The following PBX1 variants were observed in gnomAD, a reference collection of about 807,000 sequenced individuals.
PBX1 encodes the protein pre-B-cell leukemia transcription factor 1.
Under a neutral mutation model 53.4 loss-of-function variants are expected in PBX1, and 6 were observed. That is an observed-to-expected ratio of 0.11 (90% CI 0.06 to 0.22). PBX1 has a LOEUF of 0.22. Among genes scored for constraint, PBX1 ranks in the 10% least tolerant of loss-of-function variants. The probability of loss-of-function intolerance (pLI) is 1.00; values close to 1 mark genes in which losing one functional copy is unlikely to be tolerated. For synonymous variants in PBX1, 204 were observed against 212.3 expected (o/e 0.96, Z 0.34); for missense variants, 251 against 551.4 (o/e 0.46, Z 5.46).
chr1:164,864,349 C>T (rs896845121), intron 2 of PBX1, among the ~76,000 whole-genome samples: 4 of 152,184 alleles, frequency 2.6e-5, no homozygotes, highest in African/African-American at 9.7e-5. Flanking sequence ...CATACAGTAA[C>T]AGGCTACTAA....
In PBX1 at chr1:164,677,415, C is replaced by T. The variant is rs570690495; in HGVS notation, c.265+114104C>T. Among the ~76,000 whole-genome samples the T allele has an allele frequency of 1.1e-4, 16 of 152,106 alleles. No individual in the cohort carries two copies. In the South Asian group the frequency reaches 2.1e-3, roughly 20 times the overall value. On this transcript the variant is annotated intron_variant, in intron 2 of 8. Coordinates refer to ENST00000420696, the MANE Select transcript of PBX1 (RefSeq NM_002585.4). Reference sequence around the variant, plus strand: ...CCTTACTGCTTGACATTTTACAAAACGCCATCATTTGCACCATTTACAATT... The same window carrying T: ...CCTTACTGCTTGACATTTTACAAAATGCCATCATTTGCACCATTTACAATT...
At chr1:164,684,251 A>G (rs749421625) in intron 2 of PBX1, 1 of 152,232 alleles carries the variant, frequency 6.6e-6, no homozygotes, top group African/African-American at 2.4e-5. Flanking sequence ...TTGTAGGTAT[A>G]TCTGTAGATA....
chr1:164,743,071 C>T (rs1286301613), intron 2 of PBX1, among the ~76,000 whole-genome samples: 3 of 152,168 alleles, frequency 2.0e-5, no homozygotes, highest in Admixed American at 6.5e-5. Flanking sequence ...GGGCCAGAAA[C>T]AGTGATGGGG....
chr1:164,687,596 G>A (rs1662191346), intron 2 of PBX1, among the ~76,000 whole-genome samples: 1 of 146,948 alleles, frequency 6.8e-6, no homozygotes, highest in Non-Finnish European at 1.5e-5. Context: ...AAATAGTTTA[G>A]TGTCTAGCTT....
chr1:164,716,160 TG>T (rs1235965924), intron 2 of PBX1, among the ~76,000 whole-genome samples: 1 of 152,234 alleles, frequency 6.6e-6, no homozygotes, highest in Non-Finnish European at 1.5e-5. Flanking sequence ...ACAATGTGTG[TG>T]GTGACTGCCA....
At chr1:164,843,709 A>G (rs893892934) in intron 8 of PBX1, among the ~76,000 whole-genome samples, 3 of 152,160 alleles carry the variant, frequency 2.0e-5, no homozygotes, top group African/African-American at 7.2e-5. Flanking sequence ...TGGGTTCTCT[A>G]TACCCCCTAA....
intron 2 of PBX1, among the ~76,000 whole-genome samples, chr1:164,740,969 G>A (rs1665571993): frequency 6.6e-6 from 1 of 152,176 alleles, no homozygotes; most frequent in African/African-American, 2.4e-5. Context: ...GAGTAAAAAT[G>A]TAAATATGAA....
At chr1:164,679,750 T>C (rs1339474011) in intron 2 of PBX1, among the ~76,000 whole-genome samples, 2 of 152,246 alleles carry the variant, frequency 1.3e-5, no homozygotes, top group South Asian at 4.1e-4. Context: ...TTTATGCACC[T>C]GTGAGTAGCA....
chr1:164,675,415 A>T (rs755653542), intron 2 of PBX1, among the ~76,000 whole-genome samples: 47 of 152,148 alleles, frequency 3.1e-4, no homozygotes, highest in Non-Finnish European at 2.1e-4. Context: ...TTTTGTATCA[A>T]ACTAATAATA....
intron 2 of PBX1, among the ~76,000 whole-genome samples, chr1:164,778,508 G>T (rs908496504): frequency 6.6e-6 from 1 of 152,034 alleles, no homozygotes; most frequent in Non-Finnish European, 1.5e-5. Flanking sequence ...GTGGTAGTGT[G>T]TGCCTGTAGT....
intron 2 of PBX1, among the ~76,000 whole-genome samples, chr1:164,577,697 A>G (rs79027795): frequency 0.056 from 8,561 of 152,288 alleles, 420 homozygotes; most frequent in African/African-American, 0.13. Context: ...GAAACTTTCT[A>G]TTGAATGAAT....
intron 2 of PBX1, among the ~76,000 whole-genome samples, chr1:164,788,997 G>A (rs933628088): frequency 6.6e-6 from 1 of 152,068 alleles, no homozygotes; most frequent in Non-Finnish European, 1.5e-5. Context: ...AAAGCTAAGC[G>A]AAATACTAAC....
intron 2 of PBX1, among the ~76,000 whole-genome samples, chr1:164,743,146 C>T (rs115857720): frequency 5.9e-5 from 9 of 152,120 alleles, no homozygotes; most frequent in Non-Finnish European, 1.2e-4. Context: ...CTATTGTATT[C>T]CTTCCGTACA....
intron 2 of PBX1, among the ~76,000 whole-genome samples, chr1:164,638,865 G>A (rs16833478): frequency 0.073 from 11,059 of 152,278 alleles, 490 homozygotes; most frequent in East Asian, 0.14. Context: ...TGGAACATTG[G>A]AAGCGTTTGG....
intron 2 of PBX1, among the ~76,000 whole-genome samples, chr1:164,686,703 A>G (rs571188849): frequency 6.6e-6 from 1 of 152,268 alleles, no homozygotes; most frequent in South Asian, 2.1e-4. Context: ...TTGTTCAACA[A>G]ATGAGTGATC....
chr1:164,868,637 C>T (rs1316948954), intron 2 of PBX1, among the ~76,000 whole-genome samples: 2 of 152,180 alleles, frequency 1.3e-5, no homozygotes, highest in African/African-American at 4.8e-5. Flanking sequence ...TCTTCTGTCT[C>T]TCTGATTCCT....
At chr1:164,774,342 T>C (rs1667543469) in intron 2 of PBX1, 1 of 152,198 alleles carries the variant, frequency 6.6e-6, no homozygotes, top group African/African-American at 2.4e-5. Flanking sequence ...AAATGAGAAG[T>C]CTCCATCTGG....
intron 2 of PBX1, among the ~76,000 whole-genome samples, chr1:164,736,060 G>A (rs1665252709): frequency 6.6e-6 from 1 of 152,034 alleles, no homozygotes; most frequent in Admixed American, 6.5e-5. Flanking sequence ...AAAACGTTGG[G>A]CTCAAAAGAT....
chr1:164,858,407 A>C (rs1274381278), intron 2 of PBX1, among the ~76,000 whole-genome samples: 2 of 151,570 alleles, frequency 1.3e-5, no homozygotes, highest in Non-Finnish European at 2.9e-5. Flanking sequence ...CCTTTGTGTC[A>C]GTTCACTGAT....
Sources: allele counts gnomAD v4.1 joint callset (sites outside exome capture counted in the v4.1 genomes callset), GRCh38; gene constraint gnomAD v4.1.1; transcripts MANE v1.5; gene names NCBI Gene and HGNC (gene_info 2026-07-23, HGNC 2026-07-21).